FUT9: variants seen among roughly 807,000 people sequenced by gnomAD.
The protein encoded by FUT9 is 4-galactosyl-N-acetylglucosaminide 3-alpha-L-fucosyltransferase 9.
Under a neutral mutation model 29.7 loss-of-function variants are expected in FUT9, and 15 were observed. That is an observed-to-expected ratio of 0.51 (90% CI 0.34 to 0.78). The LOEUF is 0.78. Among genes scored for constraint, FUT9 ranks in the 30% least tolerant of loss-of-function variants. The pLI, the probability that FUT9 is intolerant of heterozygous loss-of-function variation, is 0.01. For missense variants in FUT9, 319 were observed against 425.4 expected, an observed-to-expected ratio of 0.75 and a Z score of 2.20; for synonymous variants, 169 against 153.7, an observed-to-expected ratio of 1.10 and a Z score of -0.74.
chr6:96,045,416 G>A (rs1050761123), intron 1 of FUT9, among the ~76,000 whole-genome samples: 1 of 152,152 alleles, frequency 6.6e-6, no homozygotes, highest in Admixed American at 6.6e-5. Flanking sequence ...GTTTTATGTT[G>A]TTCCATGTGC....
chr6:96,082,726 T>C (rs1453718473), intron 1 of FUT9, among the ~76,000 whole-genome samples: 1 of 151,924 alleles, frequency 6.6e-6, no homozygotes, highest in Admixed American at 6.6e-5. Context: ...CTATCTACTA[T>C]TTTTTGGAGA....
At position 96,211,754 on chromosome 6, in the gene FUT9, T is replaced by G. The variant is rs1396617583; in HGVS notation, c.*7519T>G. 3 of 193,626 alleles carry G rather than the reference T, an allele frequency of 1.5e-5. No homozygotes were observed. Among genetic ancestry groups the G allele is most frequent in the African/African-American group, 2.3e-5 (1 of 42,566 alleles). The allele number at this position is 193,626 out of a possible 1,614,324, so 12.0% of individuals were successfully genotyped here. ...GTAGGCTCAAGGAAAATTTCTATTT[T>G]TCTATATGAAAAAGAGAATGATATT... On this transcript the variant is annotated 3_prime_UTR_variant, in exon 3 of 3. Transcript: ENST00000302103.
intron 2 of FUT9, among the ~76,000 whole-genome samples, chr6:96,119,474 T>A (rs1391167205): frequency 6.6e-6 from 1 of 152,178 alleles, no homozygotes; most frequent in East Asian, 1.9e-4. Flanking sequence ...ATCACATTTC[T>A]CAGAACATAT....
intron 2 of FUT9, among the ~76,000 whole-genome samples, chr6:96,165,225 A>G (rs1345846125): frequency 6.6e-6 from 1 of 152,104 alleles, no homozygotes; most frequent in Non-Finnish European, 1.5e-5. Flanking sequence ...TGAGGTCAGG[A>G]GTTCGAGACC....
intron 2 of FUT9, among the ~76,000 whole-genome samples, chr6:96,167,498 T>C (rs1246497484): frequency 2.0e-5 from 3 of 152,208 alleles, no homozygotes; most frequent in Non-Finnish European, 4.4e-5. Flanking sequence ...AACTAATTAT[T>C]CATTCATTCA....
chr6:96,089,016 T>C (rs1280803653), intron 1 of FUT9, among the ~76,000 whole-genome samples: 5 of 152,166 alleles, frequency 3.3e-5, no homozygotes, highest in African/African-American at 1.2e-4. Flanking sequence ...AATTCAAGGA[T>C]TAATTTTGAT....
intron 1 of FUT9, among the ~76,000 whole-genome samples, chr6:96,042,247 G>A (rs1770475001): frequency 6.6e-6 from 1 of 152,156 alleles, no homozygotes; most frequent in Admixed American, 6.5e-5. Flanking sequence ...ATGGAGGCAA[G>A]TATCAGAAAC....
chr6:96,203,747 C>A lies in FUT9; in HGVS notation c.592C>A (p.Pro198Thr). Residue 198 changes from proline to threonine, a missense_variant, in exon 3 of 3, where the codon CCT becomes ACT. Transcript: ENST00000302103. ...GTGCTGGGTTGTGAGTAACTGGAACCCTGAGCATGCCAGAGTCAAGTATTA... is the reference window on the plus strand; with the variant it reads ...GTGCTGGGTTGTGAGTAACTGGAACACTGAGCATGCCAGAGTCAAGTATTA... ...LVCWVVSNWN[P>T]EHARVKYYNE... The A allele has an allele frequency of 1.2e-6, 2 of 1,613,958 alleles. No individual in the cohort carries two copies. The highest frequency in any genetic ancestry group is 1.7e-6 in the Non-Finnish European group (2 of 1,180,004).
At chr6:96,094,720 A>G (rs1771467110) in intron 1 of FUT9, among the ~76,000 whole-genome samples, 1 of 152,108 alleles carries the variant, frequency 6.6e-6, no homozygotes, top group Admixed American at 6.6e-5. Context: ...ACTTCTAAAA[A>G]CATACCTGAA....
At chr6:96,201,250 T>A (rs898939659) in intron 2 of FUT9, among the ~76,000 whole-genome samples, 4 of 151,980 alleles carry the variant, frequency 2.6e-5, no homozygotes, top group African/African-American at 4.8e-5. Flanking sequence ...TCTGTATTTG[T>A]ACAAAAATAC....
At chr6:96,200,725 ACAGT>A (rs1773712833) in intron 2 of FUT9, among the ~76,000 whole-genome samples, 1 of 152,156 alleles carries the variant, frequency 6.6e-6, no homozygotes, top group Non-Finnish European at 1.5e-5. Context: ...AAACACTGCA[ACAGT>A]CAGTCAAATC....
intron 2 of FUT9, among the ~76,000 whole-genome samples, chr6:96,145,614 G>T (rs552602267): frequency 6.6e-6 from 1 of 152,254 alleles, no homozygotes; most frequent in East Asian, 1.9e-4. Context: ...AATGGTCAAA[G>T]AAGGCCTCAT....
chr6:96,039,949 A>G, intron 1 of FUT9, among the ~76,000 whole-genome samples: 1 of 150,894 alleles, frequency 6.6e-6, no homozygotes. Context: ...AATTCAAACT[A>G]TTTTTTTTTC....
chr6:96,146,208 T>G (rs1008388604), intron 2 of FUT9, among the ~76,000 whole-genome samples: 1 of 152,076 alleles, frequency 6.6e-6, no homozygotes, highest in African/African-American at 2.4e-5. Flanking sequence ...TCTACCTTAT[T>G]TTATCAGACA....
At chr6:96,127,142 A>G (rs1484720989) in intron 2 of FUT9, among the ~76,000 whole-genome samples, 1 of 152,170 alleles carries the variant, frequency 6.6e-6, no homozygotes, top group African/African-American at 2.4e-5. Flanking sequence ...CCTAAGTAAT[A>G]AGCAGAGTAT....
intron 1 of FUT9, among the ~76,000 whole-genome samples, chr6:96,082,232 C>A (rs1771248991): frequency 6.6e-6 from 1 of 151,310 alleles, no homozygotes; most frequent in Admixed American, 6.6e-5. Flanking sequence ...ATTTTTCAAC[C>A]CTTGAAGTGC....
intron 1 of FUT9, among the ~76,000 whole-genome samples, chr6:96,110,899 G>A (rs1330450884): frequency 6.6e-6 from 1 of 151,642 alleles, no homozygotes; most frequent in Non-Finnish European, 1.5e-5. Flanking sequence ...CTGCCCTTAA[G>A]AGGTCCTCCT....
At chr6:96,055,008 C>A (rs905080396) in intron 1 of FUT9, among the ~76,000 whole-genome samples, 1 of 152,050 alleles carries the variant, frequency 6.6e-6, no homozygotes, top group Non-Finnish European at 1.5e-5. Flanking sequence ...AATAATTATG[C>A]CCCTTGATTT....
intron 2 of FUT9, among the ~76,000 whole-genome samples, chr6:96,165,019 G>C (rs1221868634): frequency 6.6e-6 from 1 of 152,092 alleles, no homozygotes; most frequent in Non-Finnish European, 1.5e-5. Flanking sequence ...AATCTCATGG[G>C]GCAACTAGAA....
Sources: allele counts gnomAD v4.1 joint callset (sites outside exome capture counted in the v4.1 genomes callset), GRCh38; gene constraint gnomAD v4.1.1; transcripts MANE v1.5; gene names NCBI Gene and HGNC (gene_info 2026-07-23, HGNC 2026-07-21).